EGF: variants seen among roughly 807,000 people sequenced by gnomAD.
EGF encodes epidermal growth factor, also known as pro-epidermal growth factor.
In EGF, 95 loss-of-function variants were observed where a neutral mutation model predicts 143.8. The observed-to-expected ratio is 0.66, with a 90% CI of 0.56 to 0.78. EGF has a LOEUF of 0.78. Among genes scored for constraint, EGF ranks in the 30% least tolerant of loss-of-function variants. The pLI is 0.00. For missense variants in EGF, 1,320 were observed against 1,470.9 expected, an observed-to-expected ratio of 0.90 and a Z score of 1.68; for synonymous variants, 510 against 510.5, an observed-to-expected ratio of 1.00 and a Z score of 0.01.
At chr4:109,931,725 G>A (rs1255241948) in intron 1 of EGF, among the ~76,000 whole-genome samples, 1 of 152,204 alleles carries the variant, frequency 6.6e-6, no homozygotes, top group Non-Finnish European at 1.5e-5. Flanking sequence ...CAAGAGTAGA[G>A]TAGGGATCTG....
chr4:109,918,368 C>T (rs1560621571), intron 1 of EGF, among the ~76,000 whole-genome samples: 1 of 151,346 alleles, frequency 6.6e-6, no homozygotes, highest in East Asian at 2.0e-4. Flanking sequence ...TGAGATTCTT[C>T]CGGAAGGAGT....
chr4:109,986,584 T>C (rs750076115), intron 16 of EGF, among the ~76,000 whole-genome samples: 14 of 152,058 alleles, frequency 9.2e-5, no homozygotes, highest in Non-Finnish European at 1.6e-4. Flanking sequence ...TATCGGCAAG[T>C]TTGGAGGGCT....
intron 5 of EGF, among the ~76,000 whole-genome samples, chr4:109,949,215 C>T (rs1743390248): frequency 6.6e-6 from 1 of 152,034 alleles, no homozygotes. Flanking sequence ...ATTACAGGCA[C>T]CCACCACCAT....
chr4:109,990,068 C>T lies in EGF; in HGVS notation c.2734+1359C>T, dbSNP rs995803840. On this transcript the variant is annotated intron_variant, in intron 18 of 23. Transcript: ENST00000265171. ...GGTCAAGCATACTTCTTTGTCTTTG[C>T]TTTGGAAAAGCTCTCTCTTTCTCTC... Among the ~76,000 whole-genome samples, 5 of 152,206 alleles carry T rather than the reference C, an allele frequency of 3.3e-5. 1 individual carries two copies. The highest frequency in any genetic ancestry group is 3.3e-4 in the Admixed American group (5 of 15,286).
chr4:109,944,304 TGGCG>T (rs1742457447), intron 4 of EGF, among the ~76,000 whole-genome samples: 1 of 151,976 alleles, frequency 6.6e-6, no homozygotes, highest in Admixed American at 6.5e-5. Flanking sequence ...CCGGGCGTGG[TGGCG>T]AGCACCTGTA....
At chr4:109,956,442 G>T (rs1578253025) in intron 5 of EGF, among the ~76,000 whole-genome samples, 1 of 152,248 alleles carries the variant, frequency 6.6e-6, no homozygotes, top group East Asian at 1.9e-4. Context: ...AACCTTCCTG[G>T]ATTTTTGTTG....
chr4:109,965,483 C>T (rs1314629032), intron 10 of EGF, among the ~76,000 whole-genome samples: 2 of 151,926 alleles, frequency 1.3e-5, no homozygotes, highest in Non-Finnish European at 1.5e-5. Flanking sequence ...TATATGGTTC[C>T]ATAGAACAGT....
At chr4:109,997,179 G>T (rs1032249062) in intron 20 of EGF, among the ~76,000 whole-genome samples, 7 of 152,226 alleles carry the variant, frequency 4.6e-5, no homozygotes, top group African/African-American at 1.7e-4. Context: ...CGCTGAGTCA[G>T]TTCCTGGGTG....
rs140532247 is a variant in EGF, at chr4:109,937,652, G to A, written c.128-3294G>A. On this transcript the variant is annotated intron_variant, in intron 1 of 23. Coordinates refer to ENST00000265171, the MANE Select transcript of EGF (RefSeq NM_001963.6). The stretch of plus-strand genomic sequence containing the variant: ...ACATGTTTTTGCAGTGGCTGGTACC[G>A]GTTCTTCCTTTCCATATTTAGTGCT... 9.7e-3 allele frequency among the ~76,000 whole-genome samples: 1,483 copies of A among 152,256 alleles called. 25 individuals are homozygous for A. The highest frequency in any genetic ancestry group is 0.034 in the African/African-American group (1,406 of 41,526).
At chr4:109,954,271 C>G (rs778854690) in intron 5 of EGF, among the ~76,000 whole-genome samples, 2 of 152,184 alleles carry the variant, frequency 1.3e-5, no homozygotes, top group Non-Finnish European at 2.9e-5. Flanking sequence ...AGGCTAGTCT[C>G]CAACTCCTGG....
chr4:109,986,600 A>T (rs1262376583), intron 16 of EGF, among the ~76,000 whole-genome samples: 1 of 150,700 alleles, frequency 6.6e-6, no homozygotes, highest in Non-Finnish European at 1.5e-5. Context: ...GGGCTTTTTA[A>T]AAAATCTCTT....
Position 109,924,714 on chromosome 4 carries a change from A to C in EGF, c.127+11252A>C, listed in dbSNP as rs182425343. Among the ~76,000 whole-genome samples, 178 of 152,336 alleles carry C rather than the reference A, an allele frequency of 1.2e-3. 1 individual carries two copies. Among genetic ancestry groups the C allele is most frequent in the African/African-American group, 3.9e-3 (164 of 41,574 alleles). ...AGATTGCAGACAACACTAATATTGC[A>C]AACCTAAGAGAATAATGAGGAAAGG... On this transcript the variant is annotated intron_variant, in intron 1 of 23. Transcript: ENST00000265171.
intron 9 of EGF, 83 bp downstream of exon 9, chr4:109,963,381 G>C (rs1746028427): frequency 1.9e-6 from 3 of 1,577,278 alleles, no homozygotes; most frequent in South Asian, 1.1e-5. Context: ...AAAGTTAACT[G>C]CTTATGGTTT....
rs1747119304 is a variant in EGF at position 109,969,014 on chromosome 4, A to G, written c.1619A>G (p.Asn540Ser). 1 of 1,614,078 alleles carries G rather than the reference A, an allele frequency of 6.2e-7. No individual in the cohort carries two copies. The highest frequency in any genetic ancestry group is 1.3e-5 in the African/African-American group (1 of 74,942). Residue 540 changes from asparagine to serine, a missense_variant, in exon 11 of 24, where the codon AAT becomes AGT. By Grantham distance (46) the Asn-to-Ser change is conservative (BLOSUM62 1). Around this residue, in one of 5 missense-constraint regions of EGF, gnomAD observed 1,186 missense variants for 1,313.7 expected, o/e 0.90. Coordinates refer to ENST00000265171, the MANE Select transcript of EGF (RefSeq NM_001963.6). Reference protein sequence around the residue: ...HTALKWIERANMDGSQRERLI... With the variant: ...HTALKWIERASMDGSQRERLI... Reference sequence around the variant, plus strand: ...GCCCTGAAGTGGATAGAGAGAGCTAATATGGATGGTTCCCAGCGAGAAAGG... The same window carrying G: ...GCCCTGAAGTGGATAGAGAGAGCTAGTATGGATGGTTCCCAGCGAGAAAGG...
chr4:109,972,137 T>C (rs1173939340), intron 11 of EGF, among the ~76,000 whole-genome samples: 2 of 152,076 alleles, frequency 1.3e-5, no homozygotes, highest in African/African-American at 2.4e-5. Flanking sequence ...TCAGTGACAC[T>C]GGGACAATTA....
In EGF at chr4:109,982,387, G is replaced by T. The variant is rs185859761; in HGVS notation, c.2372-1035G>T. 6.1e-3 allele frequency among the ~76,000 whole-genome samples: 921 copies of T among 152,032 alleles called. 12 individuals are homozygous for T. Among genetic ancestry groups the T allele is most frequent in the African/African-American group, 0.021 (877 of 41,470 alleles). On this transcript the variant is annotated intron_variant, in intron 15 of 23. Coordinates refer to ENST00000265171, the MANE Select transcript of EGF (RefSeq NM_001963.6). ...CTGTCACCCAGGCTGGAGTGCAGTGGCAAGATCTCAGCTCACTGCAACCTC... is the reference window on the plus strand; with the variant it reads ...CTGTCACCCAGGCTGGAGTGCAGTGTCAAGATCTCAGCTCACTGCAACCTC...
chr4:109,949,508 T>C (rs960142098), intron 5 of EGF, among the ~76,000 whole-genome samples: 8 of 152,200 alleles, frequency 5.3e-5, no homozygotes, highest in African/African-American at 1.4e-4. Flanking sequence ...TTCATATGGT[T>C]GTGTGCATCA....
intron 6 of EGF, among the ~76,000 whole-genome samples, 173 bp downstream of exon 6, chr4:109,959,610 AT>A (rs1459684103): frequency 6.6e-6 from 1 of 151,742 alleles, no homozygotes; most frequent in Non-Finnish European, 1.5e-5. Flanking sequence ...TTTTTTATTT[AT>A]TTTTTCTTGT....
At chr4:109,927,363 A>C (rs1242092518) in intron 1 of EGF, among the ~76,000 whole-genome samples, 3 of 152,114 alleles carry the variant, frequency 2.0e-5, no homozygotes, top group African/African-American at 4.8e-5. Flanking sequence ...GTGTTATGTA[A>C]TCTCAATTTT....
Sources: allele counts gnomAD v4.1 joint callset (sites outside exome capture counted in the v4.1 genomes callset), GRCh38; gene constraint gnomAD v4.1.1; regional missense constraint gnomAD v4.1.1; transcripts MANE v1.5; gene names NCBI Gene and HGNC (gene_info 2026-07-23, HGNC 2026-07-21).